Variants in UGT1A5 observed in about 807,000 individuals in gnomAD.
UGT1A5 encodes UDP-glucuronosyltransferase 1A5.
UGT1A5 carries 29 observed loss-of-function variants against 40.3 expected under a neutral mutation model. The observed-to-expected ratio is 0.72, with a 90% CI of 0.54 to 0.98. The LOEUF is 0.98. Among genes scored for constraint, UGT1A5 ranks in the 50% least tolerant of loss-of-function variants. The pLI is 0.00. For synonymous variants in UGT1A5, 257 were observed against 262.5 expected, an observed-to-expected ratio of 0.98 and a Z score of 0.20; for missense variants, 678 against 677.9, an observed-to-expected ratio of 1.00 and a Z score of 0.00.
chr2:233,757,558 A>ATG lies in UGT1A5; in HGVS notation c.868-9475_868-9474insGT, dbSNP rs896198958. On this transcript the variant is annotated intron_variant, in intron 1 of 4. Coordinates refer to ENST00000373414, the MANE Select transcript of UGT1A5 (RefSeq NM_019078.2). ...GGAATATATATATATATATATATAT[A>ATG]TATGTATATATGATATAGCTATAGT... is the stretch of plus-strand genomic sequence containing the variant. Among the ~76,000 whole-genome samples, 13 of 124,446 alleles carry ATG rather than the reference A, an allele frequency of 1.0e-4. 1 individual carries two copies. The highest frequency in any genetic ancestry group is 1.7e-4 in the Non-Finnish European group (10 of 60,604). 81.6% of individuals were successfully genotyped at this position (124,446 alleles called of 152,430 possible).
At chr2:233,739,246 G>A (rs1691023323) in intron 1 of UGT1A5, among the ~76,000 whole-genome samples, 1 of 152,234 alleles carries the variant, frequency 6.6e-6, no homozygotes, top group Non-Finnish European at 1.5e-5. Context: ...CTAGAGAAGG[G>A]TGGTAAAGAA....
chr2:233,713,232 G>A lies in UGT1A5; in HGVS notation c.241G>A (p.Ala81Thr), dbSNP rs1482258510. Residue 81 changes from alanine (A) to threonine (T), a missense_variant, in exon 1 of 5, where the codon GCC (alanine) becomes ACC (threonine). Coordinates refer to ENST00000373414, the MANE Select transcript of UGT1A5 (RefSeq NM_019078.2). Reference sequence around the variant, plus strand: ...GAACTTTTTCACCCTGACAACGTATGCCATTTCATGGACCCAGGACGAATT... The same window carrying A: ...GAACTTTTTCACCCTGACAACGTATACCATTTCATGGACCCAGGACGAATT... ...EENFFTLTTY[A>T]ISWTQDEFDR... 12 of 1,614,154 alleles carry A rather than the reference G, an allele frequency of 7.4e-6. No homozygotes were observed. The highest frequency in any genetic ancestry group is 9.3e-6 in the Non-Finnish European group (11 of 1,180,054).
At chr2:233,759,078 G>A (rs997941103) in intron 1 of UGT1A5, among the ~76,000 whole-genome samples, 3 of 152,214 alleles carry the variant, frequency 2.0e-5, no homozygotes, top group Non-Finnish European at 4.4e-5. Flanking sequence ...TTGGAAGAAA[G>A]AGACTTTGTT....
chr2:233,760,217 A>G, intron 1 of UGT1A5: 3 of 1,593,674 alleles, frequency 1.9e-6, no homozygotes, highest in Non-Finnish European at 2.6e-6. Context: ...AACTTGGTGT[A>G]TCGATTGGTT....
At chr2:233,765,135 A>G (rs1248346894) in intron 1 of UGT1A5, among the ~76,000 whole-genome samples, 1 of 152,126 alleles carries the variant, frequency 6.6e-6, no homozygotes, top group Non-Finnish European at 1.5e-5. Flanking sequence ...TTAGCACTGA[A>G]CATCACATGT....
At chr2:233,744,245 C>T (rs1692747856) in intron 1 of UGT1A5, among the ~76,000 whole-genome samples, 1 of 151,742 alleles carries the variant, frequency 6.6e-6, no homozygotes, top group Non-Finnish European at 1.5e-5. Flanking sequence ...ACTTTGGCTG[C>T]CTGAAGAACT....
chr2:233,745,271 G>A (rs1376057021), intron 1 of UGT1A5, among the ~76,000 whole-genome samples: 1 of 151,866 alleles, frequency 6.6e-6, no homozygotes, highest in Non-Finnish European at 1.5e-5. Flanking sequence ...TGCAGGCCGT[G>A]TGTATAGCAC....
At chr2:233,743,688 A>T (rs1211697299) in intron 1 of UGT1A5, 1 of 1,367,244 alleles carries the variant, frequency 7.3e-7, no homozygotes, top group African/African-American at 1.5e-5. Flanking sequence ...CCGCCTGTGC[A>T]GCCGCCCTCC....
chr2:233,765,587 C>T (rs1353703058), intron 1 of UGT1A5, among the ~76,000 whole-genome samples: 1 of 151,970 alleles, frequency 6.6e-6, no homozygotes, highest in East Asian at 1.9e-4. Context: ...AGGGGAACAA[C>T]ACACACCAGG....
intron 1 of UGT1A5, among the ~76,000 whole-genome samples, chr2:233,749,118 C>G (rs1694113620): frequency 6.6e-6 from 1 of 151,770 alleles, no homozygotes; most frequent in Non-Finnish European, 1.5e-5. Context: ...CTTTTTATGT[C>G]ATATTCACTG....
At chr2:233,751,144 C>T (rs1237165481) in intron 1 of UGT1A5, among the ~76,000 whole-genome samples, 2 of 151,954 alleles carry the variant, frequency 1.3e-5, no homozygotes, top group Non-Finnish European at 2.9e-5. Context: ...CTGTGGGAGC[C>T]CACTTCTGGC....
intron 3 of UGT1A5, 42 bp downstream of exon 3, chr2:233,767,978 A>G: frequency 3.1e-6 from 5 of 1,614,204 alleles, no homozygotes; most frequent in Non-Finnish European, 4.2e-6. Flanking sequence ...ACCAGGGTCA[A>G]ATTAAGAAAA....
chr2:233,724,607 C>G (rs536726765), intron 1 of UGT1A5, among the ~76,000 whole-genome samples: 1,973 of 135,436 alleles, frequency 0.015, 114 homozygotes, highest in Non-Finnish European at 0.021. Context: ...GATGGGCGGC[C>G]GGGCAGAGAC....
chr2:233,730,566 G>A (rs1350125224), intron 1 of UGT1A5, among the ~76,000 whole-genome samples: 2 of 152,136 alleles, frequency 1.3e-5, no homozygotes, highest in African/African-American at 2.4e-5. Flanking sequence ...AATGACACAC[G>A]AAGTTCAGTT....
At chr2:233,719,078 G>C in intron 1 of UGT1A5, 1 of 1,614,254 alleles carries the variant, frequency 6.2e-7, no homozygotes, top group Non-Finnish European at 8.5e-7. Flanking sequence ...CATGGACCCA[G>C]AAGGAATTTG....
intron 1 of UGT1A5, among the ~76,000 whole-genome samples, chr2:233,718,346 GATGTGCTGTGTTATTCAC>G: frequency 6.6e-6 from 1 of 152,362 alleles, no homozygotes; most frequent in East Asian, 1.9e-4. Flanking sequence ...ATGTCTTTTG[GATGTGCTGTGTTATTCAC>G]ATATGAGAAG....
At chr2:233,724,699 C>T (rs138869941) in intron 1 of UGT1A5, among the ~76,000 whole-genome samples, 60,257 of 142,328 alleles carry the variant, frequency 0.42, 15,342 homozygotes, top group African/African-American at 0.58. Context: ...GGTGAAGACG[C>T]TCCTCGCTTT....
chr2:233,715,924 G>T (rs1302782144), intron 1 of UGT1A5, among the ~76,000 whole-genome samples: 3 of 152,178 alleles, frequency 2.0e-5, no homozygotes, highest in African/African-American at 7.2e-5. Flanking sequence ...TTGAGCTCAG[G>T]AGTTTCAGCT....
chr2:233,744,582 C>T (rs1692857811), intron 1 of UGT1A5, among the ~76,000 whole-genome samples: 2 of 151,846 alleles, frequency 1.3e-5, no homozygotes, highest in African/African-American at 4.9e-5. Flanking sequence ...CATCGTTTTA[C>T]AGTTTTTGCA....
Sources: gnomAD v4.1 joint callset for allele counts (sites outside exome capture counted in the v4.1 genomes callset) on GRCh38, gnomAD v4.1.1 for gene constraint, MANE v1.5 for transcripts, NCBI Gene and HGNC (gene_info 2026-07-23, HGNC 2026-07-21) for gene names.